Variants in MUC5B observed in about 807,000 individuals in gnomAD.
MUC5B encodes mucin-5B.
A neutral mutation model predicts 376.9 loss-of-function variants in MUC5B; 116 were observed. The ratio of observed to expected loss-of-function variants is 0.31; its 90% CI spans 0.26 to 0.36. MUC5B has a LOEUF of 0.36. MUC5B is among the 10% of genes least tolerant of loss of function. The pLI, the probability that MUC5B is intolerant of heterozygous loss-of-function variation, is 1.00. For missense variants in MUC5B, 7,165 were observed against 7,769.9 expected (o/e 0.92, Z 2.93); for synonymous variants, 3,517 against 3,390.9 (o/e 1.04, Z -1.29).
rs1296785570 is a variant in MUC5B at position 1,232,000 on chromosome 11, G to C, written c.1683G>C (p.Leu561=). The change falls in exon 15 of 49, where the codon CTG becomes CTC. Residue 561 remains leucine, a synonymous_variant. Transcript: ENST00000529681. Reference sequence around the variant, plus strand: ...TCCCCCAACCCTGGCCCCCAGGCCTGTGTGGGAACTTCAACCAGAACCAGG... The same window carrying C: ...TCCCCCAACCCTGGCCCCCAGGCCTCTGTGGGAACTTCAACCAGAACCAGG... The part of the protein sequence containing the change: ...DPAHQGQMCG[L]CGNFNQNQAD... 1.9e-6 allele frequency: 3 copies of C among 1,612,666 alleles called. No individual in the cohort carries two copies. The highest frequency in any genetic ancestry group is 2.5e-6 in the Non-Finnish European group (3 of 1,179,790).
Position 1,251,401 on chromosome 11 carries a change from A to G in MUC5B, c.14521A>G (p.Thr4841Ala), listed in dbSNP as rs1283822735. ...ATGSTATLSS[T>A]PGTTWILTEP... ...TGGATCCACGGCCACCCTGTCCTCC[A>G]CCCCAGGGACCACCTGGATCCTCAC... is the stretch of plus-strand genomic sequence containing the variant. The change falls in exon 31 of 49, where the codon ACC (threonine) becomes GCC (alanine). Residue 4841 changes from threonine (T) to alanine (A), a missense_variant. By Grantham distance (58) the Thr-to-Ala change is moderately conservative (BLOSUM62 0). This residue lies in a region of MUC5B where 730 missense variants were observed against 592.7 expected (regional missense o/e 1.23). Coordinates refer to ENST00000529681, the MANE Select transcript of MUC5B (RefSeq NM_002458.3). 3.1e-6 allele frequency: 5 copies of G among 1,612,044 alleles called. No homozygotes were observed. Among genetic ancestry groups the G allele is most frequent in the Non-Finnish European group, 4.2e-6 (5 of 1,179,050 alleles).
rs774068525 is a variant in MUC5B, at chr11:1,248,099, C to T, written c.11219C>T (p.Thr3740Ile). Residue 3740 changes from threonine to isoleucine, a missense_variant, in exon 31 of 49, where the codon ACC (threonine) becomes ATC (isoleucine). Physicochemically the swap from Thr to Ile is moderately conservative, Grantham distance 89 (BLOSUM62 -1). Coordinates refer to ENST00000529681, the MANE Select transcript of MUC5B (RefSeq NM_002458.3). ...TVTVPTGSTA[T>I]ASSTQATAGT... ...ACGGTGCCCACCGGATCCACGGCCA[C>T]CGCCTCCTCCACCCAGGCAACTGCT... The T allele has an allele frequency of 3.1e-6, 5 of 1,601,578 alleles. No homozygotes were observed. In the African/African-American group the frequency reaches 6.9e-5, roughly 22 times the overall value.
In MUC5B at chr11:1,251,159, C is replaced by T. The variant is rs768088318; in HGVS notation, c.14279C>T (p.Thr4760Ile). Residue 4760 changes from threonine to isoleucine, a missense_variant, in exon 31 of 49, where the codon ACC becomes ATC. Transcript: ENST00000529681. ...FTPIPSSTLW[T>I]TWTVPAQTTT... is the part of the protein sequence containing the mutation. Reference sequence around the variant, plus strand: ...CCCATCCCCTCCTCCACCCTGTGGACCACGTGGACCGTCCCAGCACAGACC... The same window carrying T: ...CCCATCCCCTCCTCCACCCTGTGGATCACGTGGACCGTCCCAGCACAGACC... 21 of 1,611,214 alleles carry T rather than the reference C, an allele frequency of 1.3e-5. No homozygotes were observed. Among genetic ancestry groups the T allele is most frequent in the African/African-American group, 2.7e-5 (2 of 74,716 alleles).
At position 1,247,494 on chromosome 11, in the gene MUC5B, G is replaced by A. The variant is rs746033078; in HGVS notation, c.10614G>A (p.Arg3538=). The change falls in exon 31 of 49, where the codon AGG becomes AGA. Residue 3538 remains arginine (R), a synonymous_variant. Coordinates refer to ENST00000529681, the MANE Select transcript of MUC5B (RefSeq NM_002458.3). ...CGGGCCACACCAGGGGCACCTCCAG[G>A]ACCACAGCCACAGCCACACCCAGCA... is the stretch of plus-strand genomic sequence containing the variant. ...TTPGHTRGTS[R]TTATATPSKT... 3.1e-6 allele frequency: 5 copies of A among 1,607,890 alleles called. 1 individual carries two copies. Among genetic ancestry groups the A allele is most frequent in the Non-Finnish European group, 3.4e-6 (4 of 1,177,532 alleles).
At chr11:1,229,930 C>T in intron 10 of MUC5B, 75 bp from the exon 11 acceptor site, 4 of 1,552,366 alleles carry the variant, frequency 2.6e-6, no homozygotes, top group Non-Finnish European at 2.6e-6. Flanking sequence ...CCAGCCTCCG[C>T]CTGCGGTGGG....
Position 1,234,339 on chromosome 11 carries a change from G to GA in MUC5B, c.2478+36dup. ...CATGCTTCAGGGAGGGGTGGGCAGG[G>GA]AAGGGGTCCCAGCTTTCCCAGCTCC... On this transcript the variant is annotated intron_variant, in intron 20 of 48. Transcript: ENST00000529681. The surrounding 1 kb of genome is among the most constrained non-coding windows in gnomAD (Gnocchi z 6.3). 2 of 825,028 alleles carry GA rather than the reference G, an allele frequency of 2.4e-6. No individual in the cohort carries two copies. Among genetic ancestry groups the GA allele is most frequent in the African/African-American group, 1.7e-5 (1 of 59,568 alleles). The allele number at this position is 825,028 out of a possible 1,614,324, so 51.1% of individuals were successfully genotyped here. A position where few individuals can be genotyped will look rare whatever the true frequency, so the allele number is the denominator to read the frequency against.
rs755150064 is a variant in MUC5B at position 1,242,946 on chromosome 11, G to A, written c.6066G>A (p.Val2022=). Reference sequence around the variant, plus strand: ...CAGAGACTGCCCACACCTCCACAGTGCTTACCGCCACGGCCACCACAACTG... The same window carrying A: ...CAGAGACTGCCCACACCTCCACAGTACTTACCGCCACGGCCACCACAACTG... ...STPETAHTST[V]LTATATTTGA... is the part of the protein sequence containing the mutation. The change falls in exon 31 of 49, where the codon GTG becomes GTA. Residue 2022 remains valine (V), a synonymous_variant. Transcript: ENST00000529681. 3 of 1,612,892 alleles carry A rather than the reference G, an allele frequency of 1.9e-6. No homozygotes were observed. Among genetic ancestry groups the A allele is most frequent in the South Asian group, 1.1e-5 (1 of 90,978 alleles).
At chr11:1,235,057 G>A (rs1228939159) in intron 21 of MUC5B, 28 bp from the exon 22 acceptor site, 1 of 1,597,406 alleles carries the variant, frequency 6.3e-7, no homozygotes, top group Admixed American at 1.7e-5. Flanking sequence ...AGGCCCCTGT[G>A]AGCAGGCACC....
chr11:1,249,412 G>T lies in MUC5B; in HGVS notation c.12532G>T (p.Ala4178Ser), dbSNP rs376078011. 1.2e-6 allele frequency: 2 copies of T among 1,611,268 alleles called. No homozygotes were observed. The highest frequency in any genetic ancestry group is 2.7e-5 in the African/African-American group (2 of 74,804). Residue 4178 changes from alanine to serine, a missense_variant, in exon 31 of 49, where the codon GCC becomes TCC. Ala to Ser is a moderately conservative substitution (Grantham distance 99). Transcript: ENST00000529681. ...QPLGLECRAQ[A>S]QPGVPLGELG... ...CCTGGGCCTCGAGTGCCGTGCCCAGGCCCAGCCTGGTGTCCCCCTGGGGGA... is the reference window on the plus strand; with the variant it reads ...CCTGGGCCTCGAGTGCCGTGCCCAGTCCCAGCCTGGTGTCCCCCTGGGGGA...
rs769417266 is a variant in MUC5B, at chr11:1,240,269, C to G, written c.3864C>G (p.Ile1288Met). Reference protein sequence around the residue: ...TDGLGACLIAICGSNGTIIRK... With the variant: ...TDGLGACLIAMCGSNGTIIRK... ...GGCTTGGCGCCTGCTTGATCGCCAT[C>G]TGCGGAAGCAACGGCACCATCATCA... The change falls in exon 30 of 49, where the codon ATC (isoleucine) becomes ATG (methionine). Residue 1288 changes from isoleucine to methionine, a missense_variant. Coordinates refer to ENST00000529681, the MANE Select transcript of MUC5B (RefSeq NM_002458.3). The G allele has an allele frequency of 2.5e-6, 4 of 1,613,612 alleles. No individual in the cohort carries two copies. The East Asian group carries it at 6.7e-5, about 27-fold the overall frequency.
chr11:1,227,493 C>A, intron 6 of MUC5B, 95 bp downstream of exon 6: 2 of 980,760 alleles, frequency 2.0e-6, no homozygotes, highest in Non-Finnish European at 3.1e-6. Context: ...GAGTGGGGAC[C>A]GGGCACCAGG....
At chr11:1,236,828 C>T (rs1305137323) in intron 24 of MUC5B, 97 bp from the exon 25 acceptor site, 2 of 1,363,598 alleles carry the variant, frequency 1.5e-6, no homozygotes, top group South Asian at 1.7e-5. Context: ...TCCCTCCATC[C>T]CCCGAGGGCT....
At position 1,242,165 on chromosome 11, in the gene MUC5B, C is replaced by G. The variant is rs61732932; in HGVS notation, c.5285C>G (p.Thr1762Arg). ...ELSTSQAETS[T>R]PRTETTMSPL... Reference sequence around the variant, plus strand: ...TCCACCTCTCAGGCCGAGACCAGCACGCCCAGGACAGAGACGACAATGAGC... The same window carrying G: ...TCCACCTCTCAGGCCGAGACCAGCAGGCCCAGGACAGAGACGACAATGAGC... Residue 1762 changes from threonine to arginine, a missense_variant, in exon 31 of 49, where the codon ACG becomes AGG. By Grantham distance (71) the Thr-to-Arg change is moderately conservative (BLOSUM62 -1). Around this residue, in one of 31 missense-constraint regions of MUC5B, gnomAD observed 897 missense variants for 779.6 expected, o/e 1.15. Coordinates refer to ENST00000529681, the MANE Select transcript of MUC5B (RefSeq NM_002458.3). The G allele has an allele frequency of 1.2e-6, 2 of 1,613,544 alleles. No homozygotes were observed. Among genetic ancestry groups the G allele is most frequent in the Admixed American group, 1.7e-5 (1 of 60,028 alleles).
Position 1,237,065 on chromosome 11 carries a change from A to G in MUC5B, c.3198A>G (p.Ala1066=), listed in dbSNP as rs79118814. The G allele has an allele frequency of 6.3e-7, 1 of 1,581,108 alleles. No homozygotes were observed. Among genetic ancestry groups the G allele is most frequent in the Non-Finnish European group, 8.6e-7 (1 of 1,162,122 alleles). The change falls in exon 25 of 49, where the codon GCA becomes GCG. Residue 1066 remains alanine (A), a synonymous_variant. Coordinates refer to ENST00000529681, the MANE Select transcript of MUC5B (RefSeq NM_002458.3). The part of the protein sequence containing the change: ...KLSPSCPDAL[A]PKDPCTANPF... Reference sequence around the variant, plus strand: ...CCCCCTCCTGCCCGGACGCCCTGGCACCCAAGGACCCCTGCACGGCCAACC... The same window carrying G: ...CCCCCTCCTGCCCGGACGCCCTGGCGCCCAAGGACCCCTGCACGGCCAACC...
intron 18 of MUC5B, 70 bp from the exon 19 acceptor site, chr11:1,233,723 T>A: frequency 6.7e-7 from 1 of 1,496,922 alleles, no homozygotes; most frequent in Non-Finnish European, 9.1e-7. Flanking sequence ...CGGCGGGGGC[T>A]CGGAAGCCCG....
chr11:1,236,700 C>T (rs2133818238), intron 24 of MUC5B, 138 bp downstream of exon 24: 2 of 1,117,642 alleles, frequency 1.8e-6, no homozygotes, highest in Non-Finnish European at 1.2e-6. Context: ...CCTGTGGCCT[C>T]CACAGTGGGC....
chr11:1,227,156 C>T lies in MUC5B; in HGVS notation c.576+11C>T. ...GAGGACAGTGCCCTGGTGAGGAAGC[C>T]CCCTCGCCCCTTGCCCCTTCAGGCC... On this transcript the variant is annotated intron_variant, in intron 5 of 48. Transcript: ENST00000529681. 6.2e-7 allele frequency: 1 copy of T among 1,604,384 alleles called. No individual in the cohort carries two copies. The highest frequency in any genetic ancestry group is 8.5e-7 in the Non-Finnish European group (1 of 1,173,252).
chr11:1,240,239 C>G lies in MUC5B; in HGVS notation c.3834C>G (p.Thr1278=). Residue 1278 remains threonine (T), a synonymous_variant, in exon 30 of 49, where the codon ACC becomes ACG. Transcript: ENST00000529681. ...ACCAGGACGTCATCTACAACACCAC[C>G]GATGGGCTTGGCGCCTGCTTGATCG... ...YSYQDVIYNT[T]DGLGACLIAI... 1.2e-6 allele frequency: 2 copies of G among 1,613,560 alleles called. No individual in the cohort carries two copies. Among genetic ancestry groups the G allele is most frequent in the Non-Finnish European group, 1.7e-6 (2 of 1,179,606 alleles).
Position 1,251,578 on chromosome 11 carries a change from G to C in MUC5B, c.14698G>C (p.Val4900Leu), listed in dbSNP as rs200106435. The part of the protein sequence containing the change: ...TASTVPSSST[V>L]GTTRTPAVLP... ...CTCCACGGTTCCCAGCTCGTCCACC[G>C]TGGGGACCACCCGCACCCCTGCAGT... Residue 4900 changes from valine to leucine, a missense_variant, in exon 31 of 49, where the codon GTG (valine) becomes CTG (leucine). This residue lies in a region of MUC5B where 730 missense variants were observed against 592.7 expected (regional missense o/e 1.23). Transcript: ENST00000529681. The C allele has an allele frequency of 1.2e-6, 2 of 1,612,454 alleles. No homozygotes were observed. Among genetic ancestry groups the C allele is most frequent in the South Asian group, 1.1e-5 (1 of 91,024 alleles).
Sources: gnomAD v4.1 joint callset for allele counts on GRCh38, gnomAD v4.1.1 for gene constraint, gnomAD v4.1.1 regional missense constraint, Gnocchi (gnomAD v3.1) non-coding constraint, MANE v1.5 for transcripts, NCBI Gene and HGNC (gene_info 2026-07-23, HGNC 2026-07-21) for gene names.